The following IKBKB-DT variants were observed in gnomAD, a reference collection of about 807,000 sequenced individuals.
IKBKB-DT encodes the protein IKBKB divergent transcript, also known as IKBKB antisense RNA.
rs113681108 is a variant in IKBKB-DT at position 42,264,883 on chromosome 8, A to G, written n.1385+732T>C. Among the ~76,000 whole-genome samples, 451 of 126,174 alleles carry G rather than the reference A, an allele frequency of 3.6e-3. 5 individuals are homozygous for G. The Middle Eastern group carries it at 0.045, about 13-fold the overall frequency. 82.8% of individuals were successfully genotyped at this position (126,174 alleles called of 152,430 possible). A position where few individuals can be genotyped will look rare whatever the true frequency, so the allele number is the denominator to read the frequency against. ...CTTAAACATTTTTTTTTTTTTTGAG[A>G]TGGAGTTTTACTCTTGTCACCCAGG... On this transcript the variant is annotated intron_variant and non_coding_transcript_variant, in intron 2 of 3. Transcript: ENST00000518213.
chr8:42,262,948 C>T (rs1563278932), intron 3 of IKBKB-DT, among the ~76,000 whole-genome samples: 1 of 151,824 alleles, frequency 6.6e-6, no homozygotes, highest in East Asian at 1.9e-4. Context: ...GCTGTGTTGG[C>T]CAGGCTGATC....
chr8:42,250,347 G>A (rs991261427), intron 3 of IKBKB-DT, among the ~76,000 whole-genome samples: 1 of 152,112 alleles, frequency 6.6e-6, no homozygotes, highest in African/African-American at 2.4e-5. Flanking sequence ...ATCTCAAAAG[G>A]CCAATCATTG....
chr8:42,259,689 C>T (rs755652330), intron 3 of IKBKB-DT, among the ~76,000 whole-genome samples: 1 of 151,966 alleles, frequency 6.6e-6, no homozygotes, highest in Non-Finnish European at 1.5e-5. Flanking sequence ...CAATAAAGTA[C>T]GAGTTTAATT....
intron 3 of IKBKB-DT, among the ~76,000 whole-genome samples, chr8:42,241,939 C>A (rs1015967231): frequency 6.6e-6 from 1 of 152,176 alleles, no homozygotes; most frequent in African/African-American, 2.4e-5. Context: ...GATGGCCTGG[C>A]GTGGTGGCTC....
rs139674361 is a variant in IKBKB-DT, at chr8:42,234,369, A to T, written n.1530-510T>A. 3.2e-3 allele frequency among the ~76,000 whole-genome samples: 480 copies of T among 152,338 alleles called. 2 individuals carry two copies. Among genetic ancestry groups the T allele is most frequent in the African/African-American group, 0.011 (457 of 41,582 alleles). On this transcript the variant is annotated intron_variant and non_coding_transcript_variant, in intron 3 of 3. Coordinates refer to ENST00000518213, the Ensembl canonical transcript of IKBKB-DT. ...ACAAAAATAAAACAATTAACTGTGG[A>T]TGACAAAATTCTTAAAATGGTCATG...
exon 3 of IKBKB-DT, chr8:42,263,462 G>C (rs146336921): frequency 6.6e-6 from 1 of 152,200 alleles, no homozygotes; most frequent in African/African-American, 2.4e-5. Flanking sequence ...TGTGTTTCCG[G>C]CTGGGACTTC....
intron 3 of IKBKB-DT, among the ~76,000 whole-genome samples, chr8:42,251,497 G>A (rs996857383): frequency 6.6e-6 from 1 of 152,224 alleles, no homozygotes; most frequent in African/African-American, 2.4e-5. Context: ...GTGCCTGTGA[G>A]CATGTCCAAC....
chr8:42,241,673 G>A (rs781027380), intron 3 of IKBKB-DT, among the ~76,000 whole-genome samples: 1 of 152,156 alleles, frequency 6.6e-6, no homozygotes, highest in Admixed American at 6.6e-5. Flanking sequence ...TGAGCAACTA[G>A]AAACCTACTG....
intron 3 of IKBKB-DT, among the ~76,000 whole-genome samples, chr8:42,254,324 T>C (rs921717836): frequency 2.0e-5 from 3 of 152,266 alleles, no homozygotes; most frequent in Non-Finnish European, 4.4e-5. Flanking sequence ...AGTCTCTTTA[T>C]ACTTGCCCTG....
chr8:42,250,987 C>G (rs1356867295), intron 3 of IKBKB-DT, among the ~76,000 whole-genome samples: 1 of 152,190 alleles, frequency 6.6e-6, no homozygotes, highest in Non-Finnish European at 1.5e-5. Context: ...AATCCCAGCA[C>G]TTTGCCCAGC....
At chr8:42,250,726 C>T (rs1807120130) in intron 3 of IKBKB-DT, among the ~76,000 whole-genome samples, 2 of 152,206 alleles carry the variant, frequency 1.3e-5, no homozygotes, top group African/African-American at 2.4e-5. Flanking sequence ...CACTGATATA[C>T]TTTTTGTAAA....
intron 3 of IKBKB-DT, among the ~76,000 whole-genome samples, chr8:42,239,947 C>T (rs1475629271): frequency 1.3e-5 from 2 of 151,794 alleles, no homozygotes; most frequent in Non-Finnish European, 2.9e-5. Flanking sequence ...CCGTAAAAGG[C>T]AATTTTTTAA....
chr8:42,246,333 A>G (rs1168940260), intron 3 of IKBKB-DT, among the ~76,000 whole-genome samples: 1 of 152,170 alleles, frequency 6.6e-6, no homozygotes, highest in Non-Finnish European at 1.5e-5. Context: ...CAGCCCAGAT[A>G]TAGTTTCAAG....
Position 42,240,552 on chromosome 8 carries a change from G to A in IKBKB-DT, n.1530-6693C>T, listed in dbSNP as rs973680510. Among the ~76,000 whole-genome samples the A allele has an allele frequency of 3.5e-5, 5 of 144,208 alleles. No homozygotes were observed. In the East Asian group the frequency reaches 7.9e-4, roughly 23 times the overall value. 94.6% of individuals were successfully genotyped at this position (144,208 alleles called of 152,430 possible). On this transcript the variant is annotated intron_variant and non_coding_transcript_variant, in intron 3 of 3. Coordinates refer to ENST00000518213, the Ensembl canonical transcript of IKBKB-DT. ...AGGCAGGAGAATGGTGTGAACCCGG[G>A]AGGTAGAGTTTGCAGTGAGCCAAGA...
chr8:42,257,764 T>C (rs1340448611), intron 3 of IKBKB-DT, among the ~76,000 whole-genome samples: 3 of 151,928 alleles, frequency 2.0e-5, no homozygotes, highest in African/African-American at 7.2e-5. Flanking sequence ...GAGGAGACCT[T>C]ATCTCTAAAA....
At chr8:42,260,015 AAGAGAG>A (rs957946092) in intron 3 of IKBKB-DT, among the ~76,000 whole-genome samples, 1 of 149,946 alleles carries the variant, frequency 6.7e-6, no homozygotes, top group Non-Finnish European at 1.5e-5. Flanking sequence ...AGAGAGAGAA[AAGAGAG>A]AGAGAGAGAG....
chr8:42,261,932 T>C (rs1807294564), intron 3 of IKBKB-DT, among the ~76,000 whole-genome samples: 1 of 152,248 alleles, frequency 6.6e-6, no homozygotes, highest in Non-Finnish European at 1.5e-5. Flanking sequence ...ACAGGCAGCC[T>C]GGATAATCTG....
At chr8:42,249,386 A>G (rs921333279) in intron 3 of IKBKB-DT, 2 of 151,176 alleles carry the variant, frequency 1.3e-5, no homozygotes, top group African/African-American at 4.9e-5. Flanking sequence ...AAGACAAAAT[A>G]TCCCTATAAT....
chr8:42,255,556 G>A (rs780001747), intron 3 of IKBKB-DT: 16 of 152,182 alleles, frequency 1.1e-4, no homozygotes, highest in Non-Finnish European at 2.2e-4. Context: ...AGCAAAGTAT[G>A]AGGTTGGCTT....
Sources: gnomAD v4.1 joint callset for allele counts (sites outside exome capture counted in the v4.1 genomes callset) on GRCh38, gnomAD v4.1.1 for gene constraint, MANE v1.5 for transcripts, NCBI Gene and HGNC (gene_info 2026-07-23, HGNC 2026-07-21) for gene names.